LRRCC1: variants seen among roughly 807,000 people sequenced by gnomAD.
LRRCC1 encodes leucine-rich repeat and coiled-coil domain-containing protein 1.
LRRCC1 carries 115 observed loss-of-function variants against 126.0 expected under a neutral mutation model. The ratio of observed to expected loss-of-function variants is 0.91; its 90% CI spans 0.78 to 1.07. The LOEUF (loss-of-function observed/expected upper bound fraction) is 1.07, where lower values mean the gene tolerates loss of function less well. Ranked by LOEUF, LRRCC1 falls within the 50% of genes least tolerant of loss-of-function variation. LRRCC1 has a pLI of 0.00. For missense variants in LRRCC1, 1,172 were observed against 1,175.7 expected, an observed-to-expected ratio of 1.00 and a Z score of 0.05; for synonymous variants, 400 against 393.4, an observed-to-expected ratio of 1.02 and a Z score of -0.20.
In LRRCC1 at chr8:85,145,470, C is replaced by T. The variant is rs372350812; in HGVS notation, c.3058C>T (p.Gln1020Ter). The change falls in exon 19 of 19, where the codon CAA becomes TAA. Residue 1020 changes from glutamine to a stop codon, truncating the protein, a stop_gained. Transcript: ENST00000360375. LOFTEE classifies it high-confidence loss of function. ...AAAAACAATGGAAGCAAAAATTAAG[C>T]AACTTGCTTTTGCTTTAAATGAAAT... Reference protein sequence around the residue: ...NKKTMEAKIKQLAFALNEIQQ... With the variant: ...NKKTMEAKIK 3 of 1,585,274 alleles carry T rather than the reference C, an allele frequency of 1.9e-6. No homozygotes were observed. In the African/African-American group the frequency reaches 4.1e-5, roughly 21 times the overall value.
chr8:85,126,906 C>T (rs1810054421), intron 9 of LRRCC1, 69 bp downstream of exon 9: 1 of 1,312,538 alleles, frequency 7.6e-7, no homozygotes, highest in Non-Finnish European at 1.0e-6. Context: ...AACTGGAATA[C>T]ATTAGTTTCA....
At chr8:85,117,454 A>G (rs994233087) in intron 6 of LRRCC1, among the ~76,000 whole-genome samples, 3 of 152,210 alleles carry the variant, frequency 2.0e-5, no homozygotes, top group Non-Finnish European at 4.4e-5. Flanking sequence ...AAGAGTAAAC[A>G]TGGAGTTTGA....
In LRRCC1 at chr8:85,110,199, G is replaced by A. The variant is rs756889514; in HGVS notation, c.376+19G>A. 1.8e-6 allele frequency: 2 copies of A among 1,091,336 alleles called. No homozygotes were observed. The highest frequency in any genetic ancestry group is 5.4e-5 in the East Asian group (2 of 36,908). 67.6% of individuals were successfully genotyped at this position (1,091,336 alleles called of 1,614,324 possible). On this transcript the variant is annotated intron_variant, in intron 3 of 18. Coordinates refer to ENST00000360375, the MANE Select transcript of LRRCC1 (RefSeq NM_033402.5). ...CTTAGTGGTAAGTAGAAATGCTTATGTTTTCTGTATGCTAAATGTTGTGCC... is the reference window on the plus strand; with the variant it reads ...CTTAGTGGTAAGTAGAAATGCTTATATTTTCTGTATGCTAAATGTTGTGCC...
intron 6 of LRRCC1, among the ~76,000 whole-genome samples, chr8:85,118,477 A>G (rs184722507): frequency 2.0e-5 from 3 of 152,104 alleles, no homozygotes; most frequent in African/African-American, 4.8e-5. Context: ...TGGTTATTCT[A>G]TTTTATTCCC....
chr8:85,122,372 A>C (rs935478240), intron 6 of LRRCC1, among the ~76,000 whole-genome samples: 9 of 152,150 alleles, frequency 5.9e-5, no homozygotes, highest in African/African-American at 1.9e-4. Context: ...GATTCCATGT[A>C]GACTTTTTGA....
intron 15 of LRRCC1, 44 bp downstream of exon 15, chr8:85,137,671 T>G (rs374680664): frequency 3.9e-6 from 5 of 1,296,848 alleles, no homozygotes; most frequent in African/African-American, 3.1e-5. Context: ...AATGGCAGGT[T>G]TGCAAATCTT....
chr8:85,131,882 A>T lies in LRRCC1; in HGVS notation c.1889A>T (p.Asp630Val), dbSNP rs1810495381. The T allele has an allele frequency of 6.2e-7, 1 of 1,613,756 alleles. No individual in the cohort carries two copies. The highest frequency in any genetic ancestry group is 8.5e-7 in the Non-Finnish European group (1 of 1,179,862). ...ATAAAAGAATACCAAGAGAAAATTG[A>T]CGTGTTAAGCCAGCAGTATATGGAT... is the stretch of plus-strand genomic sequence containing the variant. ...QMIKEYQEKIDVLSQQYMDLE... is the reference protein window; with the variant it reads ...QMIKEYQEKIVVLSQQYMDLE... The change falls in exon 12 of 19, where the codon GAC (aspartate) becomes GTC (valine). Residue 630 changes from aspartate (D) to valine (V), a missense_variant. Physicochemically the swap from Asp to Val is radical, Grantham distance 152. Coordinates refer to ENST00000360375, the MANE Select transcript of LRRCC1 (RefSeq NM_033402.5).
At position 85,126,723 on chromosome 8, in the gene LRRCC1, AGAGATGGAGAGCT is replaced by A. The variant is rs1810033326; in HGVS notation, c.1311_1323del (p.Arg437SerfsTer35). 8 of 1,612,688 alleles carry A rather than the reference AGAGATGGAGAGCT, an allele frequency of 5.0e-6. No individual in the cohort carries two copies. The highest frequency in any genetic ancestry group is 6.8e-6 in the Non-Finnish European group (8 of 1,179,862). On this transcript the variant is annotated frameshift_variant, in exon 9 of 19. Coordinates refer to ENST00000360375, the MANE Select transcript of LRRCC1 (RefSeq NM_033402.5). LOFTEE classifies it high-confidence loss of function. ...GAACAGCTAGACCAAGAGAGAGAGA[AGAGATGGAGAGCT>A]GAGCAAGCCGAAAATAAACTCATGG... is the stretch of plus-strand genomic sequence containing the variant.
rs932117856 is a variant in LRRCC1, at chr8:85,141,586, C to T, written c.2976+69C>T. ...ATTATAGCTAAATAAATTAGATCTT[C>T]GAGAATTATAAAGAGAAAAGGCAAC... On this transcript the variant is annotated intron_variant, in intron 18 of 18. Coordinates refer to ENST00000360375, the MANE Select transcript of LRRCC1 (RefSeq NM_033402.5). 18 of 1,177,270 alleles carry T rather than the reference C, an allele frequency of 1.5e-5. No individual in the cohort carries two copies. The South Asian group carries it at 1.9e-4, about 12-fold the overall frequency. The allele number at this position is 1,177,270 out of a possible 1,614,324, so 72.9% of individuals were successfully genotyped here.
intron 18 of LRRCC1, among the ~76,000 whole-genome samples, chr8:85,143,928 T>C (rs1180893925): frequency 6.6e-6 from 1 of 152,138 alleles, no homozygotes; most frequent in African/African-American, 2.4e-5. Context: ...GGGAGAAATA[T>C]TAGTTTTCTA....
intron 4 of LRRCC1, 55 bp from the exon 5 acceptor site, chr8:85,115,045 A>C (rs141555401): frequency 1.3e-5 from 18 of 1,378,994 alleles, no homozygotes; most frequent in Non-Finnish European, 1.7e-5. Flanking sequence ...TTATTCTAGA[A>C]ATAATTGACT....
chr8:85,112,942 C>G lies in LRRCC1; in HGVS notation c.387C>G (p.Pro129=). The change falls in exon 4 of 19, where the codon CCC becomes CCG. Residue 129 remains proline (P), a synonymous_variant. Transcript: ENST00000360375. ...NHIDDLSGLI[P]LHGIKHKLRY... is the part of the protein sequence containing the mutation. ...ATGTTCCTATTGCAGGATTGATTCCCCTTCATGGAATTAAGCATAAACTTA... is the reference window on the plus strand; with the variant it reads ...ATGTTCCTATTGCAGGATTGATTCCGCTTCATGGAATTAAGCATAAACTTA... The G allele has an allele frequency of 6.4e-7, 1 of 1,565,756 alleles. No homozygotes were observed. The highest frequency in any genetic ancestry group is 8.7e-7 in the Non-Finnish European group (1 of 1,154,490).
At chr8:85,137,979 C>A in intron 15 of LRRCC1, 56 bp from the exon 16 acceptor site, 1 of 830,310 alleles carries the variant, frequency 1.2e-6, no homozygotes, top group African/African-American at 1.7e-5. Flanking sequence ...TCTAATTAAC[C>A]AGAATATGAA....
chr8:85,111,347 A>T (rs1445576270), intron 3 of LRRCC1, among the ~76,000 whole-genome samples: 1 of 152,256 alleles, frequency 6.6e-6, no homozygotes, highest in African/African-American at 2.4e-5. Flanking sequence ...ATTGCACTCC[A>T]GCCTGGGCAA....
At chr8:85,122,316 A>T (rs1479960503) in intron 6 of LRRCC1, among the ~76,000 whole-genome samples, 1 of 152,048 alleles carries the variant, frequency 6.6e-6, no homozygotes, top group Non-Finnish European at 1.5e-5. Context: ...AATTTGGGAA[A>T]TTTCTTCCAA....
In LRRCC1 at chr8:85,109,807, A is replaced by T; in HGVS notation, c.310+7A>T. 3 of 1,489,942 alleles carry T rather than the reference A, an allele frequency of 2.0e-6. No homozygotes were observed. The highest frequency in any genetic ancestry group is 2.8e-6 in the Non-Finnish European group (3 of 1,086,910). The allele number at this position is 1,489,942 out of a possible 1,614,324, so 92.3% of individuals were successfully genotyped here. A position where few individuals can be genotyped will look rare whatever the true frequency, so the allele number is the denominator to read the frequency against. On this transcript the variant is annotated splice_region_variant and intron_variant, in intron 2 of 18. Coordinates refer to ENST00000360375, the MANE Select transcript of LRRCC1 (RefSeq NM_033402.5). The stretch of plus-strand genomic sequence containing the variant: ...TTGATTACAAAAGTAGAAGGTTTGT[A>T]AGTGATTTTCATTTAACACTTAGCG...
At chr8:85,107,824 T>A (rs1808374553) in intron 1 of LRRCC1, 1 of 155,218 alleles carries the variant, frequency 6.4e-6, no homozygotes, top group South Asian at 2.0e-4. Context: ...CTCTGGCAGC[T>A]ATGAGCGGGC....
chr8:85,142,535 C>T (rs1811323854), intron 18 of LRRCC1, among the ~76,000 whole-genome samples: 1 of 152,074 alleles, frequency 6.6e-6, no homozygotes, highest in Non-Finnish European at 1.5e-5. Context: ...CAAAGTAATG[C>T]TCCATATAGA....
At chr8:85,119,578 A>G (rs1809373183) in intron 6 of LRRCC1, among the ~76,000 whole-genome samples, 1 of 150,964 alleles carries the variant, frequency 6.6e-6, no homozygotes, top group Admixed American at 6.6e-5. Context: ...TACAACCTCC[A>G]TGGCTCCTGG....
Sources: gnomAD v4.1 joint callset for allele counts (sites outside exome capture counted in the v4.1 genomes callset) on GRCh38, gnomAD v4.1.1 for gene constraint, MANE v1.5 for transcripts, NCBI Gene and HGNC (gene_info 2026-07-23, HGNC 2026-07-21) for gene names.